ENAH: variants seen among roughly 807,000 people sequenced by gnomAD.
ENAH encodes ENAH actin regulator.
Under a neutral mutation model 78.7 loss-of-function variants are expected in ENAH, and 23 were observed. The observed-to-expected ratio is 0.29, with a 90% CI of 0.21 to 0.41. The LOEUF is 0.41. ENAH is among the 10% of genes least tolerant of loss of function. ENAH has a pLI of 1.00. For synonymous variants in ENAH, 226 were observed against 241.0 expected, an observed-to-expected ratio of 0.94 and a Z score of 0.58; for missense variants, 544 against 691.0, an observed-to-expected ratio of 0.79 and a Z score of 2.39.
intron 1 of ENAH, among the ~76,000 whole-genome samples, chr1:225,618,689 A>G (rs1353190013): frequency 1.3e-5 from 2 of 152,154 alleles, no homozygotes; most frequent in African/African-American, 4.8e-5. Context: ...CAAAAACTCA[A>G]CTTAGAAAGT....
In ENAH at chr1:225,519,353, AGGCGTTCCTGCCG is replaced by A. The variant is rs2096448024; in HGVS notation, c.634_646del (p.Arg212TrpfsTer36). On this transcript the variant is annotated frameshift_variant, in exon 5 of 14. Coordinates refer to ENST00000366843, the MANE Select transcript of ENAH (RefSeq NM_018212.6). LOFTEE classifies it high-confidence loss of function. Reference sequence around the variant, plus strand: ...CCGATCCAGGCGTTCCTGCCGCTCCAGGCGTTCCTGCCGCTCCAGGCGTTCCTGCCGCTCCAGG... The same window carrying A: ...CCGATCCAGGCGTTCCTGCCGCTCCACTCCAGGCGTTCCTGCCGCTCCAGG... The A allele has an allele frequency of 1.2e-6, 2 of 1,609,662 alleles. No homozygotes were observed.
chr1:225,648,854 A>G (rs1200842532), intron 1 of ENAH, among the ~76,000 whole-genome samples: 1 of 151,234 alleles, frequency 6.6e-6, no homozygotes, highest in East Asian at 1.9e-4. Context: ...TCTGAAATGT[A>G]TATAAAATTT....
In ENAH at chr1:225,487,690, C is replaced by T. The variant is rs952952775; in HGVS notation, c.*10085G>A. 6.6e-6 allele frequency: 1 copy of T among 152,150 alleles called. No individual in the cohort carries two copies. The highest frequency in any genetic ancestry group is 2.4e-5 in the African/African-American group (1 of 41,440). 9.4% of individuals were successfully genotyped at this position (152,150 alleles called of 1,614,324 possible). A position where few individuals can be genotyped will look rare whatever the true frequency, so the allele number is the denominator to read the frequency against. On this transcript the variant is annotated 3_prime_UTR_variant, in exon 14 of 14. Transcript: ENST00000366843. ...GGCTCACTTCCAGATTATAAAGTCCCATTCATGGGGTGCAAATGTTTACAT... is the reference window on the plus strand; with the variant it reads ...GGCTCACTTCCAGATTATAAAGTCCTATTCATGGGGTGCAAATGTTTACAT...
At chr1:225,650,875 A>C (rs1349512391) in intron 1 of ENAH, among the ~76,000 whole-genome samples, 2 of 150,204 alleles carry the variant, frequency 1.3e-5, no homozygotes, top group Non-Finnish European at 1.5e-5. Flanking sequence ...AAAAAAAAAA[A>C]AAACTTTCCC....
intron 1 of ENAH, among the ~76,000 whole-genome samples, chr1:225,618,365 C>A (rs1656186536): frequency 6.6e-6 from 1 of 152,168 alleles, no homozygotes. Flanking sequence ...AAGGTTCACG[C>A]ATCTCACTTA....
chr1:225,584,802 C>T (rs2096837208), intron 1 of ENAH, among the ~76,000 whole-genome samples: 1 of 152,106 alleles, frequency 6.6e-6, no homozygotes, highest in Non-Finnish European at 1.5e-5. Context: ...TCAGAATTGA[C>T]ACATTAGTAT....
At chr1:225,611,577 C>T (rs2096989355) in intron 1 of ENAH, among the ~76,000 whole-genome samples, 1 of 152,122 alleles carries the variant, frequency 6.6e-6, no homozygotes, top group Non-Finnish European at 1.5e-5. Context: ...CCTCGAGCCT[C>T]CCAAAGTGCT....
chr1:225,614,579 A>G (rs1212790465), intron 1 of ENAH, among the ~76,000 whole-genome samples: 1 of 152,054 alleles, frequency 6.6e-6, no homozygotes, highest in Non-Finnish European at 1.5e-5. Flanking sequence ...GACTGATTAA[A>G]TCACTGGCCA....
rs550799722 is a variant in ENAH, at chr1:225,529,168, T to C, written c.434+1386A>G. ...GTCAGATCATGCCTATGTTCAAAACTGTACAATGGTTCTCCTTTCTCTCAG... is the reference window on the plus strand; with the variant it reads ...GTCAGATCATGCCTATGTTCAAAACCGTACAATGGTTCTCCTTTCTCTCAG... On this transcript the variant is annotated intron_variant, in intron 4 of 13. Transcript: ENST00000366843. Among the ~76,000 whole-genome samples, 89 of 152,290 alleles carry C rather than the reference T, an allele frequency of 5.8e-4. 1 individual carries two copies. Among genetic ancestry groups the C allele is most frequent in the African/African-American group, 2.1e-3 (88 of 41,556 alleles).
At chr1:225,601,096 T>C (rs1325263734) in intron 1 of ENAH, among the ~76,000 whole-genome samples, 3 of 152,146 alleles carry the variant, frequency 2.0e-5, no homozygotes, top group Non-Finnish European at 4.4e-5. Context: ...TCTTAAAATA[T>C]ATTCAACAAT....
At chr1:225,594,180 T>C (rs570185990) in intron 1 of ENAH, among the ~76,000 whole-genome samples, 84 of 152,322 alleles carry the variant, frequency 5.5e-4, no homozygotes, top group African/African-American at 2.0e-3. Context: ...AAACTGTTCT[T>C]AAATGGATGT....
chr1:225,505,597 G>A (rs2096320884), intron 11 of ENAH, among the ~76,000 whole-genome samples: 1 of 148,788 alleles, frequency 6.7e-6, no homozygotes, highest in South Asian at 2.1e-4. Flanking sequence ...GAGAAATGGG[G>A]ACCTTCACTA....
chr1:225,601,910 TAAG>T (rs1252053281), intron 1 of ENAH, among the ~76,000 whole-genome samples: 5 of 144,628 alleles, frequency 3.5e-5, no homozygotes, highest in East Asian at 2.0e-4. Context: ...TTACCAGAAA[TAAG>T]AAGGTGAAAA....
intron 1 of ENAH, among the ~76,000 whole-genome samples, chr1:225,624,235 C>G (rs1657526946): frequency 6.6e-6 from 1 of 151,544 alleles, no homozygotes; most frequent in African/African-American, 2.4e-5. Context: ...GCCAGGAGTT[C>G]AAGACCAGCC....
At chr1:225,517,994 G>T (rs756715230) in intron 5 of ENAH, 43 of 1,536,224 alleles carry the variant, frequency 2.8e-5, no homozygotes, top group South Asian at 1.8e-4. Context: ...GATGGAGCTG[G>T]ACAGAAGGTG....
rs1465984910 is a variant in ENAH at position 225,495,086 on chromosome 1, A to G, written c.*2689T>C. ...TCAGCACCAGCACTAAGATTTGTAC[A>G]TTCAGTTTGTTTGCAATTGACTTGT... On this transcript the variant is annotated 3_prime_UTR_variant, in exon 14 of 14. Transcript: ENST00000366843. The G allele has an allele frequency of 1.3e-5, 2 of 152,662 alleles. No individual in the cohort carries two copies. Among genetic ancestry groups the G allele is most frequent in the Non-Finnish European group, 2.9e-5 (2 of 68,032 alleles). 9.5% of individuals were successfully genotyped at this position (152,662 alleles called of 1,614,324 possible).
intron 1 of ENAH, among the ~76,000 whole-genome samples, chr1:225,595,749 C>T (rs2096899095): frequency 1.3e-5 from 2 of 152,072 alleles, no homozygotes; most frequent in South Asian, 2.1e-4. Context: ...AAGTTCAAAA[C>T]ATTAAATGAA....
chr1:225,541,976 G>C (rs1021323810), intron 3 of ENAH, among the ~76,000 whole-genome samples: 9 of 152,198 alleles, frequency 5.9e-5, no homozygotes, highest in Admixed American at 5.2e-4. Flanking sequence ...AAACTCCCAG[G>C]CTCAAGTGAC....
chr1:225,492,159 A>G lies in ENAH; in HGVS notation c.*5616T>C, dbSNP rs1409746722. On this transcript the variant is annotated 3_prime_UTR_variant, in exon 14 of 14. Transcript: ENST00000366843. ...GAGTACAGTGGCATGATAACGGCTC[A>G]CTGCAGCCGCGTCCTCCCTGGGCTC... 2.0e-5 allele frequency: 3 copies of G among 150,334 alleles called. No individual in the cohort carries two copies. The highest frequency in any genetic ancestry group is 7.4e-5 in the African/African-American group (3 of 40,728). The allele number at this position is 150,334 out of a possible 1,614,324, so 9.3% of individuals were successfully genotyped here. A position where few individuals can be genotyped will look rare whatever the true frequency, so the allele number is the denominator to read the frequency against.
Sources: gnomAD v4.1 joint callset for allele counts (sites outside exome capture counted in the v4.1 genomes callset) on GRCh38, gnomAD v4.1.1 for gene constraint, MANE v1.5 for transcripts, NCBI Gene and HGNC (gene_info 2026-07-23, HGNC 2026-07-21) for gene names.